NCAPD2: variants seen among roughly 807,000 people sequenced by gnomAD.
NCAPD2 encodes condensin complex subunit 1.
Under a neutral mutation model 164.5 loss-of-function variants are expected in NCAPD2, and 100 were observed. The observed-to-expected ratio is 0.61, with a 90% CI of 0.52 to 0.72. The LOEUF (loss-of-function observed/expected upper bound fraction) is 0.72, where lower values mean the gene tolerates loss of function less well. Among genes scored for constraint, NCAPD2 ranks in the 30% least tolerant of loss-of-function variants. The pLI, the probability that NCAPD2 is intolerant of heterozygous loss-of-function variation, is 0.00. For synonymous variants in NCAPD2, 585 were observed against 642.6 expected (o/e 0.91, Z 1.36); for missense variants, 1,560 against 1,749.2 (o/e 0.89, Z 1.93).
chr12:6,504,686 C>T (rs765592698), intron 2 of NCAPD2, among the ~76,000 whole-genome samples: 3 of 151,984 alleles, frequency 2.0e-5, no homozygotes, highest in Non-Finnish European at 2.9e-5. Context: ...GCCACCGCGT[C>T]GAGCCTTAAT....
chr12:6,526,690 A>G (rs1946321135), intron 21 of NCAPD2, 75 bp downstream of exon 21: 1 of 1,549,850 alleles, frequency 6.5e-7, no homozygotes, highest in Non-Finnish European at 8.8e-7. Context: ...CACTGCCACC[A>G]CCACTATCTG....
chr12:6,529,447 G>C, intron 27 of NCAPD2, 66 bp from the exon 28 acceptor site: 1 of 1,408,286 alleles, frequency 7.1e-7, no homozygotes, highest in Admixed American at 1.7e-5. Flanking sequence ...AGGGTCCAGG[G>C]TTGGTCTTAG....
At chr12:6,527,693 C>G in intron 22 of NCAPD2, 84 bp from the exon 23 acceptor site, 1 of 1,306,452 alleles carries the variant, frequency 7.7e-7, no homozygotes, top group Non-Finnish European at 1.1e-6. Flanking sequence ...CCCTTCCTCA[C>G]TTTGTTCATG....
rs71067124 is a variant in NCAPD2 at position 6,513,715 on chromosome 12, C to CTTTTTTTTTT, written c.588-541_588-532dup. Among the ~76,000 whole-genome samples the CTTTTTTTTTT allele has an allele frequency of 7.6e-4, 57 of 74,872 alleles. 8 individuals carry two copies. The highest frequency in any genetic ancestry group is 2.0e-3 in the African/African-American group (34 of 16,950). 49.1% of individuals were successfully genotyped at this position (74,872 alleles called of 152,430 possible). A position where few individuals can be genotyped will look rare whatever the true frequency, so the allele number is the denominator to read the frequency against. ...AATGAGAAGTCATTGGTGACTTTGT[C>CTTTTTTTTTT]TTTTTTTTTTTTTTTTTTGTGATGG... On this transcript the variant is annotated intron_variant, in intron 6 of 31. Coordinates refer to ENST00000315579, the MANE Select transcript of NCAPD2 (RefSeq NM_014865.4).
At chr12:6,497,538 A>G (rs1469885550) in intron 2 of NCAPD2, among the ~76,000 whole-genome samples, 1 of 152,118 alleles carries the variant, frequency 6.6e-6, no homozygotes, top group African/African-American at 2.4e-5. Flanking sequence ...CTTGTAAGTA[A>G]GAACATGCAG....
chr12:6,507,108 A>G (rs1490284366), intron 2 of NCAPD2, among the ~76,000 whole-genome samples: 2 of 152,106 alleles, frequency 1.3e-5, no homozygotes, highest in Non-Finnish European at 2.9e-5. Flanking sequence ...TGGGCCAGGG[A>G]AAATACAAGA....
chr12:6,509,985 A>G, intron 3 of NCAPD2, 90 bp from the exon 4 acceptor site: 2 of 1,421,956 alleles, frequency 1.4e-6, no homozygotes, highest in Non-Finnish European at 2.0e-6. Flanking sequence ...GTATTTTTAA[A>G]CATTCGATTC....
At chr12:6,498,109 A>G (rs139268969) in intron 2 of NCAPD2, among the ~76,000 whole-genome samples, 2 of 151,424 alleles carry the variant, frequency 1.3e-5, no homozygotes, top group African/African-American at 2.4e-5. Context: ...AGGTTTTGCC[A>G]TGTTGCCCAG....
chr12:6,508,251 G>A (rs1390872065), intron 2 of NCAPD2, among the ~76,000 whole-genome samples: 2 of 152,078 alleles, frequency 1.3e-5, no homozygotes, highest in South Asian at 2.1e-4. Flanking sequence ...CAGTAGGATC[G>A]CCTGAGCCCA....
intron 2 of NCAPD2, among the ~76,000 whole-genome samples, chr12:6,502,719 C>T (rs1031045788): frequency 1.1e-4 from 17 of 151,984 alleles, no homozygotes; most frequent in Non-Finnish European, 2.1e-4. Context: ...AAGGCTGGGG[C>T]AGGAGGATCG....
In NCAPD2 at chr12:6,527,833, A is replaced by G. The variant is rs759105249; in HGVS notation, c.2964A>G (p.Ala988=). The change falls in exon 23 of 32, where the codon GCA becomes GCG. Residue 988 remains alanine (A), a synonymous_variant. Transcript: ENST00000315579. ...AGCTGGGGCTGGTTGGGGCAACAGC[A>G]GATGACACAGAGGCAGAACTAATCC... ...EEELGLVGAT[A]DDTEAELIRG... is the part of the protein sequence containing the mutation. 1.2e-6 allele frequency: 2 copies of G among 1,613,870 alleles called. No individual in the cohort carries two copies. The highest frequency in any genetic ancestry group is 1.3e-5 in the African/African-American group (1 of 74,942).
Position 6,514,278 on chromosome 12 carries a change from T to A in NCAPD2, c.601T>A (p.Cys201Ser). 6.2e-7 allele frequency: 1 copy of A among 1,614,206 alleles called. No individual in the cohort carries two copies. The highest frequency in any genetic ancestry group is 8.5e-7 in the Non-Finnish European group (1 of 1,180,026). Residue 201 changes from cysteine (C) to serine (S), a missense_variant, in exon 7 of 32, where the codon TGT becomes AGT. Transcript: ENST00000315579. ...TTCCTTTCTCAGTTTGGTTACTGGC[T>A]GTTGCTACCGCCTTCTGGAGAATCC... ...EEEFVSLVTG[C>S]CYRLLENPTI...
Position 6,517,374 on chromosome 12 carries a change from C to G in NCAPD2, c.1195C>G (p.Leu399Val), listed in dbSNP as rs143666333. The G allele has an allele frequency of 5.0e-6, 8 of 1,613,968 alleles. No homozygotes were observed. Among genetic ancestry groups the G allele is most frequent in the Non-Finnish European group, 6.8e-6 (8 of 1,179,982 alleles). Reference protein sequence around the residue: ...TRIVQQKALPLTRFQAVVALA... With the variant: ...TRIVQQKALPVTRFQAVVALA... Reference sequence around the variant, plus strand: ...TTCCTACCCTACACAGGCTCTCCCCCTGACACGTTTCCAGGCAGTGGTGGC... The same window carrying G: ...TTCCTACCCTACACAGGCTCTCCCCGTGACACGTTTCCAGGCAGTGGTGGC... The change falls in exon 11 of 32, where the codon CTG (leucine) becomes GTG (valine). Residue 399 changes from leucine (L) to valine (V), a missense_variant. Leu to Val is a conservative substitution (Grantham distance 32). Coordinates refer to ENST00000315579, the MANE Select transcript of NCAPD2 (RefSeq NM_014865.4).
At position 6,521,098 on chromosome 12, in the gene NCAPD2, C is replaced by G; in HGVS notation, c.1702C>G (p.Leu568Val). The change falls in exon 14 of 32, where the codon CTT becomes GTT. Residue 568 changes from leucine to valine, a missense_variant. Physicochemically the swap from Leu to Val is conservative, Grantham distance 32. Coordinates refer to ENST00000315579, the MANE Select transcript of NCAPD2 (RefSeq NM_014865.4). ...EETRLLNILG[L>V]IFKGPAASTQ... ...GACCAGGCTCTTGAATATCTTAGGACTTATCTTCAAAGGTAATCATTTTCC... is the reference window on the plus strand; with the variant it reads ...GACCAGGCTCTTGAATATCTTAGGAGTTATCTTCAAAGGTAATCATTTTCC... The G allele has an allele frequency of 6.2e-7, 1 of 1,613,970 alleles. No homozygotes were observed. The highest frequency in any genetic ancestry group is 1.1e-5 in the South Asian group (1 of 91,004).
At chr12:6,504,751 G>A (rs1229409992) in intron 2 of NCAPD2, among the ~76,000 whole-genome samples, 1 of 152,116 alleles carries the variant, frequency 6.6e-6, no homozygotes, top group Non-Finnish European at 1.5e-5. Context: ...AGTCAAGCTA[G>A]AGGAAATGTT....
At chr12:6,501,227 A>ATT (rs71067121) in intron 2 of NCAPD2, among the ~76,000 whole-genome samples, 861 of 69,196 alleles carry the variant, frequency 0.012, 48 homozygotes, top group East Asian at 0.052. Flanking sequence ...CGCCTGGCTA[A>ATT]TTTTTTTTTT....
intron 6 of NCAPD2, among the ~76,000 whole-genome samples, chr12:6,513,086 A>G (rs922477434): frequency 2.6e-5 from 4 of 152,180 alleles, no homozygotes; most frequent in Non-Finnish European, 5.9e-5. Context: ...TTGGACGTTG[A>G]ATATATAGAT....
At position 6,510,750 on chromosome 12, in the gene NCAPD2, G is replaced by A; in HGVS notation, c.384G>A (p.Leu128=). 6.2e-7 allele frequency: 1 copy of A among 1,614,132 alleles called. No homozygotes were observed. The highest frequency in any genetic ancestry group is 1.1e-5 in the South Asian group (1 of 91,064). The change falls in exon 5 of 32, where the codon CTG becomes CTA. Residue 128 remains leucine (L), a synonymous_variant. Coordinates refer to ENST00000315579, the MANE Select transcript of NCAPD2 (RefSeq NM_014865.4). ...ACTGTTATGCTCTGATACGTCTCCT[G>A]GAATCCTTTGAGACCATGGCCAGCC... ...KMNCYALIRL[L]ESFETMASQT...
rs369371055 is a variant in NCAPD2 at position 6,526,268 on chromosome 12, G to A, written c.2482-19G>A. ...GTGTCCACCCTGTACACACACCCAC[G>A]TTGTCTTGCTCTCCACAGCCTTCTC... On this transcript the variant is annotated intron_variant, in intron 19 of 31. Transcript: ENST00000315579. 97 of 1,614,012 alleles carry A rather than the reference G, an allele frequency of 6.0e-5. No individual in the cohort carries two copies. Among genetic ancestry groups the A allele is most frequent in the Middle Eastern group, 1.6e-4 (1 of 6,084 alleles).
Sources: allele counts gnomAD v4.1 joint callset (sites outside exome capture counted in the v4.1 genomes callset), GRCh38; gene constraint gnomAD v4.1.1; transcripts MANE v1.5; gene names NCBI Gene and HGNC (gene_info 2026-07-23, HGNC 2026-07-21).